The following DDRGK1 variants were observed in gnomAD, a reference collection of about 807,000 sequenced individuals.
The protein encoded by DDRGK1 is DDRGK domain containing 1.
DDRGK1 carries 38 observed loss-of-function variants against 45.8 expected under a neutral mutation model. The ratio of observed to expected loss-of-function variants is 0.83; its 90% CI spans 0.64 to 1.09. DDRGK1 has a LOEUF of 1.09. DDRGK1 is among the 50% of genes least tolerant of loss of function. DDRGK1 has a pLI of 0.00. For missense variants in DDRGK1, 403 were observed against 419.9 expected (o/e 0.96, Z 0.35); for synonymous variants, 171 against 168.7 (o/e 1.01, Z -0.11).
chr20:3,200,301 T>C, intron 3 of DDRGK1, 41 bp downstream of exon 3: 4 of 1,543,046 alleles, frequency 2.6e-6, no homozygotes, highest in Non-Finnish European at 3.5e-6. Context: ...GGCAGTGCCC[T>C]TTCGCACTTC....
At position 3,200,298 on chromosome 20, in the gene DDRGK1, C is replaced by A. The variant is rs1258654958; in HGVS notation, c.408+44G>T. On this transcript the variant is annotated intron_variant, in intron 3 of 8. Coordinates refer to ENST00000354488, the MANE Select transcript of DDRGK1 (RefSeq NM_023935.3). ...GCCTTAGGGAAAAAGGAAGGCAGTGCCCTTTCGCACTTCCCAGAGCTGCAC... is the reference window on the plus strand; with the variant it reads ...GCCTTAGGGAAAAAGGAAGGCAGTGACCTTTCGCACTTCCCAGAGCTGCAC... 2.6e-6 allele frequency: 4 copies of A among 1,539,018 alleles called. No homozygotes were observed. The Admixed American group carries it at 5.9e-5, about 23-fold the overall frequency.
At chr20:3,194,770 T>A in intron 6 of DDRGK1, 60 bp downstream of exon 6, 1 of 1,610,008 alleles carries the variant, frequency 6.2e-7, no homozygotes, top group Non-Finnish European at 8.5e-7. Flanking sequence ...GCTGGAGGCA[T>A]CCAACCTGCA....
chr20:3,193,034 T>C (rs2066995863), intron 6 of DDRGK1, among the ~76,000 whole-genome samples: 1 of 152,166 alleles, frequency 6.6e-6, no homozygotes, highest in Non-Finnish European at 1.5e-5. Context: ...CCTGATGACC[T>C]GGCCTGAGGT....
intron 1 of DDRGK1, 70 bp downstream of exon 1, chr20:3,204,467 G>T: frequency 6.8e-7 from 1 of 1,461,812 alleles, no homozygotes; most frequent in South Asian, 1.2e-5. Flanking sequence ...GCCGCGGCGC[G>T]ACGGTCCACA....
intron 5 of DDRGK1, 67 bp from the exon 6 acceptor site, chr20:3,194,935 C>A: frequency 6.3e-7 from 1 of 1,585,920 alleles, no homozygotes; most frequent in Non-Finnish European, 8.6e-7. Context: ...ACCCATTCAC[C>A]CAAGTACCAC....
chr20:3,196,200 C>T (rs539237108), intron 4 of DDRGK1, among the ~76,000 whole-genome samples: 8 of 152,298 alleles, frequency 5.3e-5, no homozygotes, highest in Non-Finnish European at 7.3e-5. Flanking sequence ...TAGACCTCCT[C>T]CTAGGTCCCT....
chr20:3,196,634 CTG>C (rs1568500143), intron 4 of DDRGK1, among the ~76,000 whole-genome samples: 1 of 152,014 alleles, frequency 6.6e-6, no homozygotes, highest in East Asian at 1.9e-4. Context: ...TGAGCCGAGA[CTG>C]TGCCACTGCA....
chr20:3,204,554 C>T lies in DDRGK1; in HGVS notation c.74G>A (p.Arg25Gln). The change falls in exon 1 of 9, where the codon CGG (arginine) becomes CAG (glutamine). Residue 25 changes from arginine (R) to glutamine (Q), a missense_variant. Physicochemically the swap from Arg to Gln is conservative, Grantham distance 43. Transcript: ENST00000354488. ...VGFILFLTRS[R>Q]GRAASAGQEP... Reference sequence around the variant, plus strand: ...TCTCCTACCTGATGCCGCCCGGCCCCGGCTGCGAGTCAGGAAGAGGATAAA... The same window carrying T: ...TCTCCTACCTGATGCCGCCCGGCCCTGGCTGCGAGTCAGGAAGAGGATAAA... 1.9e-6 allele frequency: 3 copies of T among 1,572,310 alleles called. No homozygotes were observed. Among genetic ancestry groups the T allele is most frequent in the Non-Finnish European group, 2.6e-6 (3 of 1,165,364 alleles).
At chr20:3,204,248 T>A (rs998415052) in intron 1 of DDRGK1, among the ~76,000 whole-genome samples, 1 of 151,594 alleles carries the variant, frequency 6.6e-6, no homozygotes, top group Non-Finnish European at 1.5e-5. Context: ...CGGATGGGAG[T>A]GTGCGCCGGC....
intron 6 of DDRGK1, among the ~76,000 whole-genome samples, chr20:3,192,356 G>T (rs2066993308): frequency 6.6e-6 from 1 of 152,196 alleles, no homozygotes; most frequent in African/African-American, 2.4e-5. Context: ...CCCCGCCCTG[G>T]AGCTCGCAGT....
intron 1 of DDRGK1, among the ~76,000 whole-genome samples, chr20:3,203,912 A>G (rs547146265): frequency 1.4e-4 from 21 of 152,184 alleles, no homozygotes; most frequent in Non-Finnish European, 2.1e-4. Context: ...CCCAGGGAGC[A>G]GGAAAACACA....
chr20:3,192,421 G>T (rs1426678929), intron 6 of DDRGK1, among the ~76,000 whole-genome samples: 1 of 152,166 alleles, frequency 6.6e-6, no homozygotes, highest in African/African-American at 2.4e-5. Flanking sequence ...ATAAAAGCCC[G>T]AGCAAGCCAA....
intron 6 of DDRGK1, among the ~76,000 whole-genome samples, chr20:3,194,500 G>A (rs1380173153): frequency 1.3e-5 from 2 of 152,250 alleles, no homozygotes; most frequent in African/African-American, 4.8e-5. Flanking sequence ...GCCTCAGTGT[G>A]ACAGAACTGA....
chr20:3,191,737 A>C (rs764904737), intron 7 of DDRGK1, 28 bp downstream of exon 7: 1 of 1,588,468 alleles, frequency 6.3e-7, no homozygotes, highest in Non-Finnish European at 8.6e-7. Flanking sequence ...GCCACACTGC[A>C]CACAGCAGGC....
intron 4 of DDRGK1, among the ~76,000 whole-genome samples, chr20:3,199,185 G>A (rs138878775): frequency 6.6e-6 from 1 of 152,178 alleles, no homozygotes; most frequent in East Asian, 1.9e-4. Context: ...TCTGAATAAT[G>A]TTAGAGTTTA....
chr20:3,195,245 T>G lies in DDRGK1; in HGVS notation c.619A>C (p.Met207Leu). 2 of 1,614,074 alleles carry G rather than the reference T, an allele frequency of 1.2e-6. No homozygotes were observed. Reference sequence around the variant, plus strand: ...AGCAGGCCCACCTGTTCCTCAGTCATGGTCTCTCCTACGCCTTCCTCCTCC... The same window carrying G: ...AGCAGGCCCACCTGTTCCTCAGTCAGGGTCTCTCCTACGCCTTCCTCCTCC... ...VVEEEGVGET[M>L]TEEQSQSFLT... The change falls in exon 5 of 9, where the codon ATG (methionine) becomes CTG (leucine). Residue 207 changes from methionine (M) to leucine (L), a missense_variant. Met to Leu is a conservative substitution (Grantham distance 15). Transcript: ENST00000354488.
intron 4 of DDRGK1, among the ~76,000 whole-genome samples, chr20:3,196,146 T>C (rs2067008879): frequency 6.6e-6 from 1 of 152,126 alleles, no homozygotes. Flanking sequence ...TACTGGGCCA[T>C]CTCACAGGCA....
chr20:3,198,697 T>C (rs1285843593), intron 4 of DDRGK1, among the ~76,000 whole-genome samples: 1 of 100,080 alleles, frequency 1.0e-5, no homozygotes, highest in Non-Finnish European at 2.0e-5. Flanking sequence ...TGGAACTCCG[T>C]TTCAAAAAAA....
At chr20:3,196,119 G>A (rs1037000349) in intron 4 of DDRGK1, among the ~76,000 whole-genome samples, 1 of 152,068 alleles carries the variant, frequency 6.6e-6, no homozygotes, top group African/African-American at 2.4e-5. Flanking sequence ...AACACACAAC[G>A]GTCCATGTGA....
Sources: allele counts gnomAD v4.1 joint callset (sites outside exome capture counted in the v4.1 genomes callset), GRCh38; gene constraint gnomAD v4.1.1; transcripts MANE v1.5; gene names NCBI Gene and HGNC (gene_info 2026-07-23, HGNC 2026-07-21).